SPINK5: variants seen among roughly 807,000 people sequenced by gnomAD.
SPINK5 encodes serine protease inhibitor Kazal-type 5.
In SPINK5, 125 loss-of-function variants were observed where a neutral mutation model predicts 151.8. The ratio of observed to expected loss-of-function variants is 0.82; its 90% CI spans 0.71 to 0.96. SPINK5 has a LOEUF of 0.96. SPINK5 is among the 40% of genes least tolerant of loss of function. SPINK5 has a pLI of 0.00. For missense variants in SPINK5, 1,194 were observed against 1,291.9 expected (o/e 0.92, Z 1.16); for synonymous variants, 374 against 395.3 (o/e 0.95, Z 0.64).
chr5:148,132,735 C>G (rs1754603463), intron 31 of SPINK5, among the ~76,000 whole-genome samples: 1 of 151,892 alleles, frequency 6.6e-6, no homozygotes, highest in African/African-American at 2.4e-5. Context: ...TTGTCAAAGA[C>G]CAAAGATTCC....
chr5:148,097,224 C>A (rs1003141856), intron 10 of SPINK5, among the ~76,000 whole-genome samples: 8 of 151,824 alleles, frequency 5.3e-5, no homozygotes, highest in Non-Finnish European at 1.0e-4. Flanking sequence ...TTTGATTTTG[C>A]CATTTTCTGC....
intron 4 of SPINK5, among the ~76,000 whole-genome samples, chr5:148,083,810 A>G (rs1482155193): frequency 6.6e-6 from 1 of 150,586 alleles, no homozygotes; most frequent in Non-Finnish European, 1.5e-5. Context: ...TTCTATTTTA[A>G]ATGTTCTTTA....
At position 148,131,477 on chromosome 5, in the gene SPINK5, C is replaced by T. The variant is rs557494656; in HGVS notation, c.3095+88C>T. ...CCATAGTAATGCACTGATATAAATT[C>T]GAAATGTGTTGCAAGTAATTTATTC... is the stretch of plus-strand genomic sequence containing the variant. On this transcript the variant is annotated intron_variant, in intron 31 of 32. Coordinates refer to ENST00000256084, the MANE Select transcript of SPINK5 (RefSeq NM_006846.4). 35 of 1,564,734 alleles carry T rather than the reference C, an allele frequency of 2.2e-5. 1 individual carries two copies. The highest frequency in any genetic ancestry group is 3.3e-4 in the Middle Eastern group (2 of 5,974).
At chr5:148,128,880 ACT>A (rs1219746693) in intron 30 of SPINK5, among the ~76,000 whole-genome samples, 5 of 152,334 alleles carry the variant, frequency 3.3e-5, no homozygotes, top group Middle Eastern at 3.4e-3. Flanking sequence ...GATAGCGCTC[ACT>A]ACATGAAGTT....
chr5:148,090,534 T>C (rs1181126302), intron 7 of SPINK5: 2 of 151,726 alleles, frequency 1.3e-5, no homozygotes, highest in African/African-American at 2.4e-5. Context: ...GAATTTGACC[T>C]CTCTAACTCC....
chr5:148,065,302 A>G, intron 1 of SPINK5, 45 bp from the exon 2 acceptor site: 1 of 1,597,278 alleles, frequency 6.3e-7, no homozygotes, highest in Non-Finnish European at 8.6e-7. Flanking sequence ...TGTTTATTAA[A>G]TATTTTACAT....
chr5:148,065,906 C>G (rs980076226), intron 2 of SPINK5, among the ~76,000 whole-genome samples: 1 of 152,034 alleles, frequency 6.6e-6, no homozygotes, highest in African/African-American at 2.4e-5. Context: ...CTGAAAATTA[C>G]GTTTTAGTGT....
chr5:148,123,659 C>A (rs895127666), intron 26 of SPINK5, among the ~76,000 whole-genome samples, 174 bp from the exon 27 acceptor site: 10 of 151,058 alleles, frequency 6.6e-5, no homozygotes, highest in Non-Finnish European at 1.2e-4. Context: ...GGAGAAGATT[C>A]AAACTTCTTA....
rs147379628 is a variant in SPINK5, at chr5:148,095,549, G to A, written c.795-269G>A. On this transcript the variant is annotated intron_variant, in intron 9 of 32. Transcript: ENST00000256084. ...TAGACATAGCGCTCATTTGTATTTG[G>A]GAACTGGAATGTCTTCTTCAAAAAG... Among the ~76,000 whole-genome samples the A allele has an allele frequency of 1.6e-3, 245 of 152,060 alleles. 1 individual carries two copies. The highest frequency in any genetic ancestry group is 5.5e-3 in the African/African-American group (228 of 41,526).
chr5:148,087,554 G>T (rs1176332513), intron 5 of SPINK5, among the ~76,000 whole-genome samples: 20 of 151,754 alleles, frequency 1.3e-4, no homozygotes, highest in Non-Finnish European at 1.5e-5. Flanking sequence ...CTCACCAAGG[G>T]TCAACATAGA....
chr5:148,103,031 T>A (rs934069135), intron 15 of SPINK5, among the ~76,000 whole-genome samples: 6 of 152,116 alleles, frequency 3.9e-5, no homozygotes, highest in Admixed American at 1.3e-4. Context: ...GTGCCAAGAA[T>A]CTTAGAAAGG....
At chr5:148,071,894 G>A (rs2127191379) in intron 3 of SPINK5, among the ~76,000 whole-genome samples, 1 of 152,154 alleles carries the variant, frequency 6.6e-6, no homozygotes, top group Middle Eastern at 3.4e-3. Flanking sequence ...CCACCTGGCT[G>A]TTGGAAGTAT....
chr5:148,108,896 G>A (rs1272418358), intron 18 of SPINK5, 59 bp downstream of exon 18: 4 of 1,602,820 alleles, frequency 2.5e-6, no homozygotes, highest in South Asian at 1.1e-5. Context: ...TCCCTAGGGA[G>A]GGCTCCTATT....
intron 4 of SPINK5, among the ~76,000 whole-genome samples, chr5:148,078,045 G>C (rs1367616947): frequency 6.6e-6 from 1 of 150,964 alleles, no homozygotes; most frequent in Non-Finnish European, 1.5e-5. Flanking sequence ...GGAACTATAA[G>C]CTATCTCCAG....
intron 4 of SPINK5, among the ~76,000 whole-genome samples, chr5:148,084,523 C>T (rs1753103247): frequency 1.3e-5 from 2 of 151,798 alleles, no homozygotes; most frequent in South Asian, 4.1e-4. Context: ...TTTTGACTTG[C>T]TCTGTCATTC....
intron 8 of SPINK5, among the ~76,000 whole-genome samples, chr5:148,094,107 C>G (rs930612320): frequency 6.6e-6 from 1 of 151,734 alleles, no homozygotes; most frequent in Non-Finnish European, 1.5e-5. Context: ...CCAGCCCGGG[C>G]AACATGATGA....
chr5:148,133,709 C>T, intron 31 of SPINK5, 88 bp from the exon 32 acceptor site: 1 of 1,329,320 alleles, frequency 7.5e-7, no homozygotes, highest in Non-Finnish European at 1.1e-6. Context: ...GGTTTGATAC[C>T]CAAGTGTCCT....
intron 4 of SPINK5, among the ~76,000 whole-genome samples, chr5:148,085,927 G>C (rs1021823944): frequency 6.6e-6 from 1 of 151,908 alleles, no homozygotes; most frequent in Non-Finnish European, 1.5e-5. Context: ...GCATAGAGGT[G>C]TTAAATAACT....
chr5:148,096,722 C>CTTTT (rs1753472497), intron 10 of SPINK5, among the ~76,000 whole-genome samples: 1 of 148,104 alleles, frequency 6.8e-6, no homozygotes, highest in Non-Finnish European at 1.5e-5. Context: ...TTCTTTCTTT[C>CTTTT]TTTTTTTCTT....
Sources: allele counts gnomAD v4.1 joint callset (sites outside exome capture counted in the v4.1 genomes callset), GRCh38; gene constraint gnomAD v4.1.1; transcripts MANE v1.5; gene names NCBI Gene and HGNC (gene_info 2026-07-23, HGNC 2026-07-21).